The following ASIC5 variants were observed in gnomAD, a reference collection of about 807,000 sequenced individuals.
The protein encoded by ASIC5 is bile acid-sensitive ion channel.
A neutral mutation model predicts 51.2 loss-of-function variants in ASIC5; 52 were observed. That is an observed-to-expected ratio of 1.02 (90% confidence interval 0.81 to 1.28). ASIC5 has a LOEUF of 1.28. Ranked by LOEUF, ASIC5 falls within the 50% of genes most tolerant of loss-of-function variation. The pLI is 0.00. For missense variants in ASIC5, 635 were observed against 595.0 expected, an observed-to-expected ratio of 1.07 and a Z score of -0.70; for synonymous variants, 231 against 200.7, an observed-to-expected ratio of 1.15 and a Z score of -1.28.
intron 5 of ASIC5, 101 bp from the exon 6 acceptor site, chr4:155,842,455 T>G (rs1053558866): frequency 1.7e-6 from 2 of 1,211,326 alleles, no homozygotes; most frequent in Non-Finnish European, 2.2e-6. Flanking sequence ...CTCTCAGAGC[T>G]CTTTGATTTT....
At chr4:155,835,524 G>T (rs1740959375) in intron 8 of ASIC5, among the ~76,000 whole-genome samples, 2 of 151,788 alleles carry the variant, frequency 1.3e-5, no homozygotes, top group Admixed American at 1.3e-4. Context: ...TACTTTCTCT[G>T]TATATTAAGT....
At chr4:155,862,467 A>C (rs937806623) in intron 2 of ASIC5, among the ~76,000 whole-genome samples, 4 of 152,152 alleles carry the variant, frequency 2.6e-5, no homozygotes, top group Non-Finnish European at 5.9e-5. Flanking sequence ...CTTCCCTAAT[A>C]GCTAAGTGGT....
chr4:155,862,999 G>A (rs1741753376), intron 2 of ASIC5, among the ~76,000 whole-genome samples: 1 of 152,062 alleles, frequency 6.6e-6, no homozygotes, highest in Non-Finnish European at 1.5e-5. Flanking sequence ...TATGATTGTT[G>A]ATGTTTCTCT....
intron 2 of ASIC5, among the ~76,000 whole-genome samples, chr4:155,859,486 G>A (rs1314914544): frequency 6.6e-6 from 1 of 151,866 alleles, no homozygotes; most frequent in Non-Finnish European, 1.5e-5. Context: ...ATAATCCAAA[G>A]TCACTTGGCA....
intron 4 of ASIC5, among the ~76,000 whole-genome samples, chr4:155,848,880 T>G (rs975158643): frequency 6.6e-6 from 1 of 152,082 alleles, no homozygotes; most frequent in African/African-American, 2.4e-5. Flanking sequence ...TTTGTTTTGT[T>G]TTTCAGAGTC....
At chr4:155,838,787 A>T in intron 7 of ASIC5, 26 bp downstream of exon 7, 1 of 1,465,162 alleles carries the variant, frequency 6.8e-7, no homozygotes, top group Non-Finnish European at 9.5e-7. Context: ...ATAAATCCTG[A>T]AAATAAAAGT....
At chr4:155,844,007 T>G (rs983397219) in intron 4 of ASIC5, among the ~76,000 whole-genome samples, 177 bp from the exon 5 acceptor site, 1 of 152,138 alleles carries the variant, frequency 6.6e-6, no homozygotes, top group Non-Finnish European at 1.5e-5. Context: ...CTTTAGTGGT[T>G]GAATCGGTGA....
At chr4:155,852,059 C>G (rs1741393144) in intron 4 of ASIC5, 132 bp downstream of exon 4, 2 of 1,070,176 alleles carry the variant, frequency 1.9e-6, no homozygotes, top group Non-Finnish European at 2.7e-6. Flanking sequence ...CCATAGGAGT[C>G]TAGACTAAAT....
intron 4 of ASIC5, 128 bp from the exon 5 acceptor site, chr4:155,843,958 A>G (rs1741180338): frequency 1.1e-6 from 1 of 878,772 alleles, no homozygotes; most frequent in Non-Finnish European, 1.7e-6. Flanking sequence ...TTATATTTCT[A>G]TCTCTTTTTG....
chr4:155,852,115 T>C (rs59881089), intron 4 of ASIC5, 76 bp downstream of exon 4: 53,189 of 1,489,086 alleles, frequency 0.036, 1,199 homozygotes, highest in South Asian at 0.064. Flanking sequence ...CTATCTGATA[T>C]GGCCCAATAG....
At position 155,863,528 on chromosome 4, in the gene ASIC5, T is replaced by C. The variant is rs1320391350; in HGVS notation, c.267A>G (p.Thr89=). ...CCTCAATGGACGTTGTGGTTGGCCA[T>C]GTGAAGTAGTTGAGCAAGCGAATGT... ...QIYIRLLNYF[T]WPTTTSIEVQ... is the part of the protein sequence containing the mutation. The change falls in exon 2 of 10, where the codon ACA becomes ACG. Residue 89 remains threonine, a synonymous_variant. Transcript: ENST00000537611. 2 of 1,613,806 alleles carry C rather than the reference T, an allele frequency of 1.2e-6. No homozygotes were observed. The highest frequency in any genetic ancestry group is 2.2e-5 in the East Asian group (1 of 44,858).
chr4:155,860,985 T>A (rs1179540618), intron 2 of ASIC5, among the ~76,000 whole-genome samples: 3 of 151,878 alleles, frequency 2.0e-5, no homozygotes, highest in Non-Finnish European at 4.4e-5. Flanking sequence ...TATTTTCTAT[T>A]TTTTTTGTGA....
chr4:155,852,835 G>C lies in ASIC5; in HGVS notation c.586-519C>G, dbSNP rs2111255271. 1.3e-5 allele frequency among the ~76,000 whole-genome samples: 2 copies of C among 152,094 alleles called. 1 individual carries two copies. Among genetic ancestry groups the C allele is most frequent in the Middle Eastern group, 6.8e-3 (2 of 294 alleles). ...GTTCAAGAATTGATATGTGTCCCAA[G>C]TGGAGCTAATTAGAGTCTTTGGTGA... On this transcript the variant is annotated intron_variant, in intron 3 of 9. Transcript: ENST00000537611.
At chr4:155,856,093 A>G (rs1392438870) in intron 2 of ASIC5, among the ~76,000 whole-genome samples, 1 of 151,988 alleles carries the variant, frequency 6.6e-6, no homozygotes, top group Non-Finnish European at 1.5e-5. Flanking sequence ...TGGTGTTAAA[A>G]CCTGCTTTCA....
At chr4:155,845,309 T>C (rs918344173) in intron 4 of ASIC5, among the ~76,000 whole-genome samples, 1 of 151,678 alleles carries the variant, frequency 6.6e-6, no homozygotes, top group Non-Finnish European at 1.5e-5. Flanking sequence ...TGTGTATGTG[T>C]GCATGTGTGC....
intron 4 of ASIC5, among the ~76,000 whole-genome samples, chr4:155,848,726 T>C (rs191464127): frequency 8.5e-5 from 13 of 152,156 alleles, no homozygotes; most frequent in Admixed American, 7.9e-4. Context: ...TCTGATAACT[T>C]TGGAGATTGT....
At chr4:155,847,949 A>G (rs1741295284) in intron 4 of ASIC5, among the ~76,000 whole-genome samples, 1 of 152,094 alleles carries the variant, frequency 6.6e-6, no homozygotes, top group South Asian at 2.1e-4. Context: ...TGTCAGATTA[A>G]CAAGGTTTTC....
At chr4:155,843,856 A>T in intron 4 of ASIC5, 26 bp from the exon 5 acceptor site, 1 of 1,612,086 alleles carries the variant, frequency 6.2e-7, no homozygotes. Context: ...GTTTTTGCCC[A>T]AATTGCAAAT....
At chr4:155,832,466 A>T (rs1740890499) in intron 8 of ASIC5, among the ~76,000 whole-genome samples, 1 of 152,176 alleles carries the variant, frequency 6.6e-6, no homozygotes, top group South Asian at 2.1e-4. Flanking sequence ...TGTTTTCTTA[A>T]TGTCTGTTTG....
Sources: allele counts gnomAD v4.1 joint callset (sites outside exome capture counted in the v4.1 genomes callset), GRCh38; gene constraint gnomAD v4.1.1; transcripts MANE v1.5; gene names NCBI Gene and HGNC (gene_info 2026-07-23, HGNC 2026-07-21).